PPP2R3B: variants seen among roughly 807,000 people sequenced by gnomAD.
PPP2R3B encodes the protein protein phosphatase 2 regulatory subunit B''beta, also known as serine/threonine-protein phosphatase 2A regulatory subunit B'' subunit beta.
Under a neutral mutation model 72.9 loss-of-function variants are expected in PPP2R3B, and 68 were observed. That is an observed-to-expected ratio of 0.93 (90% CI 0.77 to 1.14). The LOEUF (loss-of-function observed/expected upper bound fraction) is 1.14, where lower values mean the gene tolerates loss of function less well. PPP2R3B is among the 50% of genes most tolerant of loss of function. The pLI, the probability that PPP2R3B is intolerant of heterozygous loss-of-function variation, is 0.00. For missense variants in PPP2R3B, 1,018 were observed against 842.0 expected, an observed-to-expected ratio of 1.21 and a Z score of -2.59; for synonymous variants, 466 against 375.8, an observed-to-expected ratio of 1.24 and a Z score of -2.78.
At chrX:349,410 C>T (rs1225480301) in intron 2 of PPP2R3B, among the ~76,000 whole-genome samples, 2 of 152,210 alleles carry the variant, frequency 1.3e-5, no homozygotes, top group Non-Finnish European at 2.9e-5. Context: ...CAAAGGGCCT[C>T]TACGAAACAC....
chrX:363,960 T>C (rs2071623729), intron 1 of PPP2R3B, among the ~76,000 whole-genome samples: 1 of 152,256 alleles, frequency 6.6e-6, no homozygotes, highest in South Asian at 2.1e-4. Flanking sequence ...ACAGAATAGT[T>C]GACAAACGTC....
chrX:359,477 T>C (rs35618246), intron 2 of PPP2R3B, among the ~76,000 whole-genome samples: 20,428 of 152,154 alleles, frequency 0.13, 1,794 homozygotes, highest in Admixed American at 0.22. Flanking sequence ...AGTTACAGCA[T>C]ACTAGGTAAA....
chrX:334,746 G>A (rs947171503), intron 12 of PPP2R3B: 153 of 482,896 alleles, frequency 3.2e-4, no homozygotes, highest in Non-Finnish European at 4.8e-4. Context: ...CACCCAGGAC[G>A]GGACGGAGCC....
In PPP2R3B at chrX:346,225, G is replaced by A; in HGVS notation, c.828C>T (p.Ser276=). 1 of 1,572,824 alleles carries A rather than the reference G, an allele frequency of 6.4e-7. No individual in the cohort carries two copies. The highest frequency in any genetic ancestry group is 8.6e-7 in the Non-Finnish European group (1 of 1,160,960). Residue 276 remains serine (S), a synonymous_variant, in exon 6 of 13, where the codon TCC becomes TCT. Coordinates refer to ENST00000390665, the MANE Select transcript of PPP2R3B (RefSeq NM_013239.5). ...CGGCGCAGGTGATCCTGCCGGACCAGGACCGGTTCACGGCGTAGAAGATCC... is the reference window on the plus strand; with the variant it reads ...CGGCGCAGGTGATCCTGCCGGACCAAGACCGGTTCACGGCGTAGAAGATCC... ...IQRIFYAVNR[S]WSGRITCAEL... is the part of the protein sequence containing the mutation.
chrX:347,775 G>A (rs746364331), intron 2 of PPP2R3B, 82 bp from the exon 3 acceptor site: 74 of 1,015,418 alleles, frequency 7.3e-5, no homozygotes, highest in Admixed American at 6.0e-4. Context: ...CCTGACCGAC[G>A]CCGCCCAGAG....
At chrX:385,661 C>T (rs2072231477) in intron 1 of PPP2R3B, among the ~76,000 whole-genome samples, 1 of 152,182 alleles carries the variant, frequency 6.6e-6, no homozygotes, top group East Asian at 1.9e-4. Context: ...ATTAGCCTGG[C>T]GTGATGGTGC....
At chrX:350,754 C>T (rs779904637) in intron 2 of PPP2R3B, among the ~76,000 whole-genome samples, 25 of 152,342 alleles carry the variant, frequency 1.6e-4, no homozygotes, top group African/African-American at 6.0e-4. Flanking sequence ...GCTGGGGGAA[C>T]TGGGACGCCA....
At chrX:383,283 C>T (rs1457961265) in intron 1 of PPP2R3B, among the ~76,000 whole-genome samples, 9 of 152,284 alleles carry the variant, frequency 5.9e-5, no homozygotes, top group East Asian at 3.9e-4. Context: ...GAGGCTGGTC[C>T]ATTTTGGCTG....
intron 1 of PPP2R3B, chrX:362,473 G>A (rs180877627): frequency 4.6e-5 from 7 of 152,558 alleles, no homozygotes; most frequent in East Asian, 3.9e-4. Context: ...CCCAGGGAAC[G>A]GGGCTGTGTC....
Position 386,569 on chromosome X carries a change from C to G in PPP2R3B, c.123G>C (p.Ala41=), listed in dbSNP as rs751781511. The change falls in exon 1 of 13, where the codon GCG becomes GCC. Residue 41 remains alanine, a synonymous_variant. Coordinates refer to ENST00000390665, the MANE Select transcript of PPP2R3B (RefSeq NM_013239.5). ...CCGGGGTCGGCTGGTCCCGCCCGGG[C>G]GCCTTGATCCGGCGCAGGCAGTCCT... ...MLQDCLRRIK[A]PGRDQPTPGD... is the part of the protein sequence containing the mutation. The G allele has an allele frequency of 1.4e-6, 2 of 1,442,146 alleles. No individual in the cohort carries two copies. Among genetic ancestry groups the G allele is most frequent in the Non-Finnish European group, 1.8e-6 (2 of 1,096,700 alleles). 89.3% of individuals were successfully genotyped at this position (1,442,146 alleles called of 1,614,324 possible). A position where few individuals can be genotyped will look rare whatever the true frequency, so the allele number is the denominator to read the frequency against.
chrX:366,963 G>C (rs183833847), intron 1 of PPP2R3B, among the ~76,000 whole-genome samples: 3 of 151,974 alleles, frequency 2.0e-5, no homozygotes, highest in South Asian at 2.1e-4. Context: ...GGGAGGCGGA[G>C]GGTGCGGTGA....
chrX:377,962 C>T (rs1184876674), intron 1 of PPP2R3B, among the ~76,000 whole-genome samples: 8 of 149,612 alleles, frequency 5.3e-5, no homozygotes, highest in Admixed American at 4.0e-4. Context: ...TATGCAGGGA[C>T]GGGCCGTCTA....
intron 2 of PPP2R3B, among the ~76,000 whole-genome samples, chrX:353,101 C>T (rs1297480748): frequency 6.6e-5 from 10 of 151,880 alleles, no homozygotes; most frequent in South Asian, 2.1e-4. Context: ...TGGCCGGGTG[C>T]GGTGGCTCAG....
Position 338,476 on chromosome X carries a change from G to A in PPP2R3B, c.1577+128C>T, listed in dbSNP as rs771480383. The A allele has an allele frequency of 8.9e-5, 83 of 937,800 alleles. 1 individual carries two copies. The highest frequency in any genetic ancestry group is 2.3e-4 in the South Asian group (15 of 65,194). 58.1% of individuals were successfully genotyped at this position (937,800 alleles called of 1,614,324 possible). On this transcript the variant is annotated intron_variant, in intron 12 of 12. Transcript: ENST00000390665. Reference sequence around the variant, plus strand: ...GGTCTCACCCCGCCCCTCTGTGTCCGCGCACCCCACCTGACTGACCCCGCA... The same window carrying A: ...GGTCTCACCCCGCCCCTCTGTGTCCACGCACCCCACCTGACTGACCCCGCA...
intron 1 of PPP2R3B, among the ~76,000 whole-genome samples, chrX:369,335 C>T (rs533821056): frequency 4.9e-4 from 74 of 152,248 alleles, no homozygotes; most frequent in African/African-American, 1.7e-3. Flanking sequence ...AAAAGAACTT[C>T]GTAAAGAGCC....
intron 8 of PPP2R3B, 73 bp from the exon 9 acceptor site, chrX:341,469 C>T (rs2071073361): frequency 1.3e-6 from 2 of 1,520,796 alleles, no homozygotes; most frequent in African/African-American, 1.4e-5. Context: ...AGCCCCTGTC[C>T]ACGCGCCTCG....
At chrX:338,278 C>T (rs746140449) in intron 12 of PPP2R3B, 26 of 493,012 alleles carry the variant, frequency 5.3e-5, no homozygotes, top group South Asian at 2.5e-4. Context: ...AGGTGCCAGC[C>T]GTGGGATAAG....
chrX:352,053 T>TC (rs1266363184), intron 2 of PPP2R3B, among the ~76,000 whole-genome samples: 1 of 151,794 alleles, frequency 6.6e-6, no homozygotes, highest in South Asian at 2.1e-4. Context: ...GGGCACACAG[T>TC]CCCCCCACCA....
chrX:340,715 T>TCTCGCCCGTCCGTCCC, intron 10 of PPP2R3B, 50 bp downstream of exon 10: 1 of 1,576,834 alleles, frequency 6.3e-7, no homozygotes, highest in Non-Finnish European at 8.6e-7. Flanking sequence ...TGGGCCGTCC[T>TCTCGCCCGTCCGTCCC]CTCGCCCGTC....
Sources: gnomAD v4.1 joint callset for allele counts (sites outside exome capture counted in the v4.1 genomes callset) on GRCh38, gnomAD v4.1.1 for gene constraint, MANE v1.5 for transcripts, NCBI Gene and HGNC (gene_info 2026-07-23, HGNC 2026-07-21) for gene names.